The following ETV1 variants were observed in gnomAD, a reference collection of about 807,000 sequenced individuals.
The protein encoded by ETV1 is ETS variant transcription factor 1.
A neutral mutation model predicts 62.3 loss-of-function variants in ETV1; 27 were observed. That is an observed-to-expected ratio of 0.43 (90% confidence interval 0.32 to 0.60). The LOEUF is 0.60. Among genes scored for constraint, ETV1 ranks in the 20% least tolerant of loss-of-function variants. ETV1 has a pLI of 0.06. For synonymous variants in ETV1, 222 were observed against 199.6 expected (o/e 1.11, Z -0.94); for missense variants, 605 against 605.8 (o/e 1.00, Z 0.01).
chr7:13,932,148 T>C (rs1786260459), intron 8 of ETV1, among the ~76,000 whole-genome samples: 1 of 152,096 alleles, frequency 6.6e-6, no homozygotes. Context: ...TAAATCATTA[T>C]ATACCAGAAA....
In ETV1 at chr7:13,892,984, T is replaced by C. The variant is rs959371344; in HGVS notation, c.*2882A>G. On this transcript the variant is annotated 3_prime_UTR_variant, in exon 14 of 14. Coordinates refer to ENST00000430479, the MANE Select transcript of ETV1 (RefSeq NM_004956.5). ...ATTGGTTACAGCATCTACGGGAAAC[T>C]AGACCTCCAAGATCCGCCCATGATT... The C allele has an allele frequency of 4.3e-6, 1 of 232,660 alleles. No individual in the cohort carries two copies. Among genetic ancestry groups the C allele is most frequent in the Non-Finnish European group, 8.5e-6 (1 of 117,732 alleles). 14.4% of individuals were successfully genotyped at this position (232,660 alleles called of 1,614,324 possible). A position where few individuals can be genotyped will look rare whatever the true frequency, so the allele number is the denominator to read the frequency against.
intron 9 of ETV1, among the ~76,000 whole-genome samples, chr7:13,928,482 C>T (rs2299090): frequency 0.16 from 24,672 of 151,872 alleles, 2,278 homozygotes; most frequent in East Asian, 0.25. Flanking sequence ...GGCATGGTGG[C>T]GCATGCCTGT....
intron 5 of ETV1, among the ~76,000 whole-genome samples, chr7:13,985,810 C>A (rs1283440844): frequency 2.0e-5 from 3 of 152,138 alleles, no homozygotes; most frequent in Non-Finnish European, 2.9e-5. Context: ...AGAAGTCCCT[C>A]AACATTAGGC....
At chr7:13,906,308 C>A in intron 12 of ETV1, 122 bp downstream of exon 12, 1 of 639,990 alleles carries the variant, frequency 1.6e-6, no homozygotes, top group Non-Finnish European at 2.4e-6. Flanking sequence ...CTTTTTAATT[C>A]AGAAAGTTTC....
At position 13,900,065 on chromosome 7, in the gene ETV1, G is replaced by A. The variant is rs149784826; in HGVS notation, c.1212+673C>T. 2.1e-3 allele frequency among the ~76,000 whole-genome samples: 324 copies of A among 152,306 alleles called. 3 individuals are homozygous for A. The highest frequency in any genetic ancestry group is 7.5e-3 in the African/African-American group (310 of 41,570). On this transcript the variant is annotated intron_variant, in intron 13 of 13. Transcript: ENST00000430479. Reference sequence around the variant, plus strand: ...AACTGCTTGAACCTGGGGGACTGAGGTTGCAGTGAACCAAGATCACGCCAC... The same window carrying A: ...AACTGCTTGAACCTGGGGGACTGAGATTGCAGTGAACCAAGATCACGCCAC...
intron 6 of ETV1, among the ~76,000 whole-genome samples, chr7:13,945,519 A>G (rs575783103): frequency 2.0e-5 from 3 of 151,894 alleles, no homozygotes; most frequent in Admixed American, 2.0e-4. Context: ...TTTTTTTTGA[A>G]TTGCTGCATG....
chr7:13,982,911 C>A (rs1406918736), intron 5 of ETV1, among the ~76,000 whole-genome samples: 1 of 151,908 alleles, frequency 6.6e-6, no homozygotes. Flanking sequence ...AACAATAGCA[C>A]ATATTACTTA....
At chr7:13,939,333 G>C (rs1376903060) in intron 6 of ETV1, 87 bp from the exon 7 acceptor site, 11 of 1,150,292 alleles carry the variant, frequency 9.6e-6, no homozygotes, top group Non-Finnish European at 1.3e-5. Flanking sequence ...TGTTAAAAAG[G>C]TCATTCACAT....
In ETV1 at chr7:13,985,598, T is replaced by TATAAGATGG. The variant is rs200600604; in HGVS notation, c.181+1039_181+1040insCCATCTTAT. The TATAAGATGG allele has an allele frequency of 9.2e-4, 145 of 157,388 alleles. No homozygotes were observed. The East Asian group carries it at 0.024, about 26-fold the overall frequency. 9.7% of individuals were successfully genotyped at this position (157,388 alleles called of 1,614,324 possible). The stretch of plus-strand genomic sequence containing the variant: ...GTTCCATTTAAAGAGACCCACTCTC[T>TATAAGATGG]CCTTTTTAACCATCTTAAAATCTGT... On this transcript the variant is annotated intron_variant, in intron 5 of 13. Transcript: ENST00000430479.
chr7:13,931,277 T>A (rs1786115686), intron 9 of ETV1, among the ~76,000 whole-genome samples: 1 of 152,234 alleles, frequency 6.6e-6, no homozygotes, highest in African/African-American at 2.4e-5. Flanking sequence ...TATTTTTCTT[T>A]AAACTGGTTT....
rs1398904507 is a variant in ETV1, at chr7:13,935,781, G to A, written c.481C>T (p.Pro161Ser). 6.2e-7 allele frequency: 1 copy of A among 1,613,942 alleles called. No individual in the cohort carries two copies. The highest frequency in any genetic ancestry group is 1.1e-5 in the South Asian group (1 of 91,078). The change falls in exon 8 of 14, where the codon CCT (proline) becomes TCT (serine). Residue 161 changes from proline to serine, a missense_variant. Pro to Ser is a moderately conservative substitution (Grantham distance 74, BLOSUM62 -1). Coordinates refer to ENST00000430479, the MANE Select transcript of ETV1 (RefSeq NM_004956.5). ...ASPNSTHTPK[P>S]DRAFPAHLPP... ...AGGTGAGCTGGGAAGGCCCGGTCAGGTTTCGGTGTATGAGTTGAGTTTGGA... is the reference window on the plus strand; with the variant it reads ...AGGTGAGCTGGGAAGGCCCGGTCAGATTTCGGTGTATGAGTTGAGTTTGGA...
chr7:13,908,792 G>C (rs754327325), intron 11 of ETV1, among the ~76,000 whole-genome samples: 9 of 152,022 alleles, frequency 5.9e-5, no homozygotes, highest in Admixed American at 1.3e-4. Flanking sequence ...TAAAACTTCA[G>C]AGAGCACCCA....
intron 9 of ETV1, among the ~76,000 whole-genome samples, chr7:13,919,597 C>A (rs866747643): frequency 5.4e-5 from 8 of 148,406 alleles, no homozygotes; most frequent in Non-Finnish European, 1.2e-4. Flanking sequence ...CACACACACA[C>A]ACACAAAATA....
chr7:13,970,261 AAAACAC>A (rs1780744549), intron 6 of ETV1, among the ~76,000 whole-genome samples: 2 of 113,794 alleles, frequency 1.8e-5, no homozygotes, highest in African/African-American at 7.3e-5. Context: ...ACCCCATCTC[AAAACAC>A]ACACACACAC....
At position 13,975,562 on chromosome 7, in the gene ETV1, C is replaced by CAAAAAAAAA. The variant is rs765452116; in HGVS notation, c.235+1856_235+1864dup. Among the ~76,000 whole-genome samples the CAAAAAAAAA allele has an allele frequency of 9.7e-5, 4 of 41,122 alleles. No homozygotes were observed. In the East Asian group the frequency reaches 1.7e-3, roughly 17 times the overall value. 27.0% of individuals were successfully genotyped at this position (41,122 alleles called of 152,430 possible). On this transcript the variant is annotated intron_variant, in intron 6 of 13. Coordinates refer to ENST00000430479, the MANE Select transcript of ETV1 (RefSeq NM_004956.5). The stretch of plus-strand genomic sequence containing the variant: ...TGGGCAACAGGGTGAGACTCTGTCT[C>CAAAAAAAAA]AAAAAAAAAAAAAAAAAGAAAAGAA...
chr7:13,951,157 A>G (rs1788776722), intron 6 of ETV1, among the ~76,000 whole-genome samples: 3 of 152,058 alleles, frequency 2.0e-5, no homozygotes, highest in African/African-American at 7.2e-5. Flanking sequence ...ATAAGAAATC[A>G]TCATATGTAC....
intron 6 of ETV1, among the ~76,000 whole-genome samples, chr7:13,971,841 T>C (rs1056608232): frequency 1.3e-5 from 2 of 152,218 alleles, no homozygotes; most frequent in South Asian, 4.1e-4. Flanking sequence ...CCAGGCACAG[T>C]GGCTCACACC....
intron 6 of ETV1, among the ~76,000 whole-genome samples, chr7:13,972,957 C>A (rs923279758): frequency 2.0e-5 from 3 of 152,132 alleles, no homozygotes; most frequent in African/African-American, 7.2e-5. Flanking sequence ...AAGTTAGCAT[C>A]CTTCAAAGGT....
intron 12 of ETV1, among the ~76,000 whole-genome samples, chr7:13,901,730 C>G (rs1385120171): frequency 3.3e-5 from 5 of 152,064 alleles, no homozygotes; most frequent in Non-Finnish European, 5.9e-5. Context: ...TGGGTAATAC[C>G]AAACTGAAGA....
Sources: allele counts gnomAD v4.1 joint callset (sites outside exome capture counted in the v4.1 genomes callset), GRCh38; gene constraint gnomAD v4.1.1; transcripts MANE v1.5; gene names NCBI Gene and HGNC (gene_info 2026-07-23, HGNC 2026-07-21).